Variants in LYST observed in about 807,000 individuals in gnomAD.
LYST encodes the protein lysosomal trafficking regulator.
LYST carries 192 observed loss-of-function variants against 413.6 expected under a neutral mutation model. That is an observed-to-expected ratio of 0.46 (90% CI 0.41 to 0.52). LYST has a LOEUF of 0.52. Among genes scored for constraint, LYST ranks in the 20% least tolerant of loss-of-function variants. LYST has a pLI of 0.00. For synonymous variants in LYST, 1,525 were observed against 1,567.3 expected (o/e 0.97, Z 0.64); for missense variants, 3,815 against 4,499.9 (o/e 0.85, Z 4.35).
rs1483439661 is a variant in LYST at position 235,777,241 on chromosome 1, C to G, written c.5282G>C (p.Arg1761Thr). The G allele has an allele frequency of 3.7e-6, 6 of 1,613,198 alleles. No homozygotes were observed. The highest frequency in any genetic ancestry group is 5.1e-6 in the Non-Finnish European group (6 of 1,179,446). The change falls in exon 17 of 53, where the codon AGA (arginine) becomes ACA (threonine). Residue 1761 changes from arginine (R) to threonine (T), a missense_variant. Physicochemically the swap from Arg to Thr is moderately conservative, Grantham distance 71 (BLOSUM62 -1). Coordinates refer to ENST00000389793, the MANE Select transcript of LYST (RefSeq NM_000081.4). ...AQYTIYEPVI[R>T]LKGQMKTQLS... is the part of the protein sequence containing the mutation. ...TTGGGTTTTCATTTGACCTTTAAGT[C>G]TAATCACTGGTTCATAGATGGTATA... is the stretch of plus-strand genomic sequence containing the variant.
chr1:235,776,307 T>C (rs1669225115), intron 17 of LYST, among the ~76,000 whole-genome samples: 1 of 152,192 alleles, frequency 6.6e-6, no homozygotes, highest in African/African-American at 2.4e-5. Flanking sequence ...CAAACGCTGA[T>C]ATGCTTCTTA....
chr1:235,838,561 G>A (rs1011907265), intron 1 of LYST, among the ~76,000 whole-genome samples: 2 of 152,150 alleles, frequency 1.3e-5, no homozygotes, highest in African/African-American at 4.8e-5. Context: ...TTTTGTGGAA[G>A]TAACATCAAG....
chr1:235,794,530 C>T (rs1671356685), intron 10 of LYST, among the ~76,000 whole-genome samples: 1 of 151,948 alleles, frequency 6.6e-6, no homozygotes, highest in African/African-American at 2.4e-5. Context: ...TGATCCTCAC[C>T]AAAAACAAAA....
intron 20 of LYST, among the ~76,000 whole-genome samples, chr1:235,768,483 A>G (rs1397999285): frequency 6.6e-6 from 1 of 152,120 alleles, no homozygotes; most frequent in Non-Finnish European, 1.5e-5. Context: ...TTAAAGGCAA[A>G]GACTAAGTTC....
chr1:235,773,696 A>C, intron 19 of LYST, 146 bp downstream of exon 19: 1 of 670,800 alleles, frequency 1.5e-6, no homozygotes, highest in Non-Finnish European at 2.6e-6. Context: ...AAAGATTTAC[A>C]GAGATGGATG....
At position 235,747,271 on chromosome 1, in the gene LYST, T is replaced by C. The variant is rs1044604613; in HGVS notation, c.7781-744A>G. ...GGAGAAGGGCATCGGAAGTTGACCATAGGAACCAAAATGATGTCTTGGTAG... is the reference window on the plus strand; with the variant it reads ...GGAGAAGGGCATCGGAAGTTGACCACAGGAACCAAAATGATGTCTTGGTAG... On this transcript the variant is annotated intron_variant, in intron 28 of 52. Transcript: ENST00000389793. The C allele has an allele frequency of 2.2e-5, 10 of 453,548 alleles. No homozygotes were observed. In the East Asian group the frequency reaches 2.8e-4, roughly 13 times the overall value. 28.1% of individuals were successfully genotyped at this position (453,548 alleles called of 1,614,324 possible). A position where few individuals can be genotyped will look rare whatever the true frequency, so the allele number is the denominator to read the frequency against.
chr1:235,712,279 C>A (rs1662459528), intron 42 of LYST, 82 bp from the exon 43 acceptor site: 8 of 1,037,294 alleles, frequency 7.7e-6, no homozygotes, highest in Middle Eastern at 3.1e-4. Flanking sequence ...TTACTTTTGC[C>A]ACTTCAAAAA....
At chr1:235,728,443 TTTA>T (rs1281695262) in intron 37 of LYST, among the ~76,000 whole-genome samples, 1 of 152,224 alleles carries the variant, frequency 6.6e-6, no homozygotes, top group Non-Finnish European at 1.5e-5. Context: ...ATGTTGGCTA[TTTA>T]TTATTACCAT....
chr1:235,873,745 C>T (rs756876416), intron 1 of LYST, among the ~76,000 whole-genome samples: 6 of 152,196 alleles, frequency 3.9e-5, no homozygotes, highest in Non-Finnish European at 5.9e-5. Flanking sequence ...TTCTGATTAA[C>T]TTTCACCTGA....
At chr1:235,728,374 C>T (rs1664083797) in intron 37 of LYST, among the ~76,000 whole-genome samples, 2 of 152,008 alleles carry the variant, frequency 1.3e-5, no homozygotes, top group Non-Finnish European at 2.9e-5. Context: ...TTTCACAGAG[C>T]TACTATGGAA....
At chr1:235,816,468 AAT>A (rs1674116564) in intron 3 of LYST, among the ~76,000 whole-genome samples, 1 of 116,312 alleles carries the variant, frequency 8.6e-6, no homozygotes, top group African/African-American at 4.2e-5. Flanking sequence ...AAAAAATAAA[AAT>A]AAAAAAAAAA....
chr1:235,871,358 A>T (rs898172112), upstream of LYST, among the ~76,000 whole-genome samples: 3 of 152,326 alleles, frequency 2.0e-5, no homozygotes, highest in South Asian at 6.2e-4. Flanking sequence ...CTGCTGTGTT[A>T]CATTCCCGAG....
In LYST at chr1:235,724,362, TA is replaced by T. The variant is rs146393636; in HGVS notation, c.9163-183del. Among the ~76,000 whole-genome samples the T allele has an allele frequency of 7.9e-5, 12 of 151,912 alleles. No homozygotes were observed. In the East Asian group the frequency reaches 1.5e-3, roughly 20 times the overall value. ...CAAAATGAATGATAAAATTTAGAAA[TA>T]AAAAAAATAGGCTTTATTTTTTAGA... On this transcript the variant is annotated intron_variant, in intron 38 of 52. Coordinates refer to ENST00000389793, the MANE Select transcript of LYST (RefSeq NM_000081.4).
intron 29 of LYST, among the ~76,000 whole-genome samples, chr1:235,745,802 C>T (rs186745233): frequency 8.5e-5 from 13 of 152,098 alleles, no homozygotes; most frequent in Non-Finnish European, 1.3e-4. Context: ...ACATACTGTA[C>T]GCTTCCATTT....
chr1:235,753,112 C>A lies in LYST; in HGVS notation c.7392G>T (p.Met2464Ile), dbSNP rs373798957. ...ILNSCSKVAD[M>I]LLDNGLLYVL... ...CATAGAGTAGACCATTATCCAGCAACATATCTGCTACCTTAGAACAAGAAT... is the reference window on the plus strand; with the variant it reads ...CATAGAGTAGACCATTATCCAGCAAAATATCTGCTACCTTAGAACAAGAAT... Residue 2464 changes from methionine (M) to isoleucine (I), a missense_variant, in exon 26 of 53, where the codon ATG becomes ATT. Met to Ile is a conservative substitution (Grantham distance 10). Transcript: ENST00000389793. 1.9e-6 allele frequency: 3 copies of A among 1,609,238 alleles called. No individual in the cohort carries two copies. The Middle Eastern group carries it at 5.0e-4, about 267-fold the overall frequency.
chr1:235,875,556 G>A lies in LYST; in HGVS notation n.454+7631C>T, dbSNP rs549025124. Among the ~76,000 whole-genome samples, 6 of 152,316 alleles carry A rather than the reference G, an allele frequency of 3.9e-5. No homozygotes were observed. In the East Asian group the frequency reaches 1.2e-3, roughly 29 times the overall value. ...AAAATTTACCCTAAGCCAGGGGGCA[G>A]CTACATCATGCTGATGGAAGGAGTC... On this transcript the variant is annotated intron_variant and non_coding_transcript_variant, in intron 1 of 11. Coordinates refer to the LYST transcript ENST00000465349.
At chr1:235,816,722 A>T (rs1048318008) in intron 3 of LYST, among the ~76,000 whole-genome samples, 2 of 152,162 alleles carry the variant, frequency 1.3e-5, no homozygotes, top group African/African-American at 2.4e-5. Flanking sequence ...AGACACAGAG[A>T]CCGATGGAAC....
At position 235,787,234 on chromosome 1, in the gene LYST, G is replaced by A; in HGVS notation, c.4828C>T (p.His1610Tyr). Residue 1610 changes from histidine to tyrosine, a missense_variant, in exon 14 of 53, where the codon CAT becomes TAT. Physicochemically the swap from His to Tyr is moderately conservative, Grantham distance 83. Transcript: ENST00000389793. ...GAGACCCATATGGAGATTTTCCCATGAATCCTCCTTTTCCCTTGGGGCTGC... is the reference window on the plus strand; with the variant it reads ...GAGACCCATATGGAGATTTTCCCATAAATCCTCCTTTTCCCTTGGGGCTGC... ...LQQPQGKRRI[H>Y]GKISIWVSGQ... 6.2e-7 allele frequency: 1 copy of A among 1,613,754 alleles called. No homozygotes were observed. The highest frequency in any genetic ancestry group is 8.5e-7 in the Non-Finnish European group (1 of 1,179,784).
intron 31 of LYST, chr1:235,738,535 G>A (rs1443779459): frequency 6.2e-7 from 1 of 1,611,632 alleles, no homozygotes; most frequent in East Asian, 2.2e-5. Flanking sequence ...GAAAGGCTGG[G>A]AGTTCACACA....
Sources: gnomAD v4.1 joint callset for allele counts (sites outside exome capture counted in the v4.1 genomes callset) on GRCh38, gnomAD v4.1.1 for gene constraint, MANE v1.5 for transcripts, NCBI Gene and HGNC (gene_info 2026-07-23, HGNC 2026-07-21) for gene names.